STAU2: variants seen among roughly 807,000 people sequenced by gnomAD.
STAU2 encodes double-stranded RNA-binding protein Staufen homolog 2.
A neutral mutation model predicts 65.9 loss-of-function variants in STAU2; 20 were observed. The ratio of observed to expected loss-of-function variants is 0.30; its 90% CI spans 0.21 to 0.44. The LOEUF is 0.44. STAU2 is among the 20% of genes least tolerant of loss of function. The pLI, the probability that STAU2 is intolerant of heterozygous loss-of-function variation, is 1.00. For missense variants in STAU2, 558 were observed against 683.9 expected, an observed-to-expected ratio of 0.82 and a Z score of 2.05; for synonymous variants, 232 against 233.9, an observed-to-expected ratio of 0.99 and a Z score of 0.07.
chr8:73,731,282 C>T (rs1029243998), intron 3 of STAU2, among the ~76,000 whole-genome samples: 3 of 152,210 alleles, frequency 2.0e-5, no homozygotes, highest in Admixed American at 6.5e-5. Flanking sequence ...GCCTCCCCAA[C>T]GCCAATCCCA....
rs1334946534 is a variant in STAU2, at chr8:73,603,716, T to C, written c.1029+10A>G. The C allele has an allele frequency of 2.5e-6, 4 of 1,609,086 alleles. No individual in the cohort carries two copies. The highest frequency in any genetic ancestry group is 3.4e-6 in the Non-Finnish European group (4 of 1,179,166). ...AAATCTTTTCAATAGTTTTAAAAGG[T>C]TAGAAATACCTGCATCACAAATTCT... On this transcript the variant is annotated intron_variant, in intron 10 of 14. Coordinates refer to ENST00000524300, the MANE Select transcript of STAU2 (RefSeq NM_001164380.2).
At chr8:73,696,042 C>T (rs1282890897) in intron 4 of STAU2, among the ~76,000 whole-genome samples, 1 of 152,176 alleles carries the variant, frequency 6.6e-6, no homozygotes, top group Admixed American at 6.5e-5. Context: ...CACAGAGGTG[C>T]CTGCATCACC....
chr8:73,445,014 C>G (rs577930972), intron 13 of STAU2, among the ~76,000 whole-genome samples: 1 of 152,244 alleles, frequency 6.6e-6, no homozygotes, highest in East Asian at 1.9e-4. Flanking sequence ...GGCTGTGTTC[C>G]TGGAAGACAA....
Position 73,551,676 on chromosome 8 carries a change from G to A in STAU2, c.1530+336C>T, listed in dbSNP as rs1807343624. On this transcript the variant is annotated intron_variant, in intron 13 of 14. Coordinates refer to ENST00000524300, the MANE Select transcript of STAU2 (RefSeq NM_001164380.2). ...AAATACTAACACCAAATGTCTGAAG[G>A]CAGAATTTTTGTTTGTGGAAGACAG... 1.9e-5 allele frequency: 19 copies of A among 1,010,684 alleles called. No individual in the cohort carries two copies. The South Asian group carries it at 7.4e-4, about 39-fold the overall frequency. 62.6% of individuals were successfully genotyped at this position (1,010,684 alleles called of 1,614,324 possible). A position where few individuals can be genotyped will look rare whatever the true frequency, so the allele number is the denominator to read the frequency against.
chr8:73,527,058 T>C (rs558912120), intron 13 of STAU2, among the ~76,000 whole-genome samples: 1 of 152,352 alleles, frequency 6.6e-6, no homozygotes, highest in South Asian at 2.1e-4. Flanking sequence ...ATTTTTACTG[T>C]ACATTTTCTA....
At chr8:73,458,254 A>G (rs1819171315) in intron 13 of STAU2, among the ~76,000 whole-genome samples, 1 of 152,214 alleles carries the variant, frequency 6.6e-6, no homozygotes, top group African/African-American at 2.4e-5. Flanking sequence ...GATTTTCCTC[A>G]TTAGACAATT....
chr8:73,720,694 A>T lies in STAU2; in HGVS notation c.-17-11532T>A, dbSNP rs1360944401. The stretch of plus-strand genomic sequence containing the variant: ...CGCCCGGCTAATTTTTTGTATTTTT[A>T]GTAGAGACAGGGTTTCACCTTGTTA... On this transcript the variant is annotated intron_variant, in intron 3 of 14. Transcript: ENST00000524300. 1.6e-4 allele frequency among the ~76,000 whole-genome samples: 18 copies of T among 112,358 alleles called. 2 individuals carry two copies. In the East Asian group the frequency reaches 5.9e-3, roughly 37 times the overall value. 73.7% of individuals were successfully genotyped at this position (112,358 alleles called of 152,430 possible).
chr8:73,703,543 TA>T (rs775204238), intron 4 of STAU2, among the ~76,000 whole-genome samples: 23 of 152,242 alleles, frequency 1.5e-4, no homozygotes, highest in Middle Eastern at 6.8e-3. Flanking sequence ...AGCAAAAAGC[TA>T]AAAACAACCA....
intron 7 of STAU2, 78 bp from the exon 8 acceptor site, chr8:73,615,860 C>A: frequency 9.6e-7 from 1 of 1,044,886 alleles, no homozygotes; most frequent in South Asian, 1.4e-5. Flanking sequence ...TCAAGATGGC[C>A]TATTTAAATT....
chr8:73,613,935 G>A lies in STAU2; in HGVS notation c.700C>T (p.Pro234Ser), dbSNP rs376554654. 6.2e-7 allele frequency: 1 copy of A among 1,609,520 alleles called. No individual in the cohort carries two copies. Among genetic ancestry groups the A allele is most frequent in the African/African-American group, 1.3e-5 (1 of 74,656 alleles). The change falls in exon 9 of 15, where the codon CCA (proline) becomes TCA (serine). Residue 234 changes from proline to serine, a missense_variant. Around this residue, in one of 3 missense-constraint regions of STAU2, gnomAD observed 199 missense variants for 299.5 expected, o/e 0.66. Transcript: ENST00000524300. ...SFEVIKESGP[P>S]HMKSFVTRVS... Reference sequence around the variant, plus strand: ...CGAGTAACAAAGCTTTTCATATGTGGTGGTCCACTTTCTTTAATAACCTAT... The same window carrying A: ...CGAGTAACAAAGCTTTTCATATGTGATGGTCCACTTTCTTTAATAACCTAT...
At chr8:73,742,945 C>G (rs570261478) in intron 1 of STAU2, among the ~76,000 whole-genome samples, 60 of 152,242 alleles carry the variant, frequency 3.9e-4, no homozygotes, top group African/African-American at 1.4e-3. Context: ...ACCCATCCTA[C>G]AGTTGATAGG....
chr8:73,546,637 A>C (rs1460560849), intron 13 of STAU2, among the ~76,000 whole-genome samples: 1 of 152,190 alleles, frequency 6.6e-6, no homozygotes, highest in Non-Finnish European at 1.5e-5. Flanking sequence ...AATCTTTTAC[A>C]TGCAACATTC....
At chr8:73,607,151 T>C (rs1812080482) in intron 9 of STAU2, among the ~76,000 whole-genome samples, 1 of 152,172 alleles carries the variant, frequency 6.6e-6, no homozygotes, top group Non-Finnish European at 1.5e-5. Context: ...CTATGTCAAT[T>C]ATACCTCAAT....
At chr8:73,569,192 T>A (rs1808850514) in intron 12 of STAU2, among the ~76,000 whole-genome samples, 1 of 151,900 alleles carries the variant, frequency 6.6e-6, no homozygotes, top group Non-Finnish European at 1.5e-5. Flanking sequence ...GTCCCATGCC[T>A]ACAGAGCCTC....
At chr8:73,539,959 G>C (rs141133852) in intron 13 of STAU2, among the ~76,000 whole-genome samples, 2 of 150,992 alleles carry the variant, frequency 1.3e-5, no homozygotes, top group African/African-American at 4.9e-5. Context: ...AGTCCCAGAA[G>C]GAAAAAGAGA....
chr8:73,560,286 C>T (rs149894692), intron 12 of STAU2, among the ~76,000 whole-genome samples: 12,883 of 151,942 alleles, frequency 0.085, 671 homozygotes, highest in Non-Finnish European at 0.13. Context: ...TTCACCGTGT[C>T]AGCCAGGATG....
chr8:73,746,907 G>GCCCGCCTCCC (rs1807333191), upstream of STAU2: 5 of 890,356 alleles, frequency 5.6e-6, no homozygotes, highest in Admixed American at 2.4e-4. Context: ...GCCCGCCTCC[G>GCCCGCCTCCC]CCCGCCTCCC....
At chr8:73,485,771 C>T (rs1179614948) in intron 13 of STAU2, among the ~76,000 whole-genome samples, 1 of 152,016 alleles carries the variant, frequency 6.6e-6, no homozygotes, top group Non-Finnish European at 1.5e-5. Context: ...GAGTTTGAGG[C>T]TATAGTGAGC....
rs1390722618 is a variant in STAU2, at chr8:73,739,828, A to G, written c.-156T>C. The stretch of plus-strand genomic sequence containing the variant: ...TTTTCTGTCTTCTTTTTTTTCTTCA[A>G]TCTTTAAAAAGTAAGCTAAAGTCCT... On this transcript the variant is annotated 5_prime_UTR_variant, in exon 2 of 15. Coordinates refer to ENST00000524300, the MANE Select transcript of STAU2 (RefSeq NM_001164380.2). The G allele has an allele frequency of 1.3e-6, 2 of 1,485,442 alleles. No homozygotes were observed. The highest frequency in any genetic ancestry group is 1.8e-6 in the Non-Finnish European group (2 of 1,103,436). The allele number at this position is 1,485,442 out of a possible 1,614,324, so 92.0% of individuals were successfully genotyped here.
Sources: allele counts gnomAD v4.1 joint callset (sites outside exome capture counted in the v4.1 genomes callset), GRCh38; gene constraint gnomAD v4.1.1; regional missense constraint gnomAD v4.1.1; transcripts MANE v1.5; gene names NCBI Gene and HGNC (gene_info 2026-07-23, HGNC 2026-07-21).